DAO: variants seen among roughly 807,000 people sequenced by gnomAD.
DAO encodes D-amino acid oxidase.
A neutral mutation model predicts 50.1 loss-of-function variants in DAO; 51 were observed. The ratio of observed to expected loss-of-function variants is 1.02; its 90% CI spans 0.81 to 1.29. DAO has a LOEUF of 1.29. DAO is among the 50% of genes most tolerant of loss of function. DAO has a pLI of 0.00. For synonymous variants in DAO, 160 were observed against 166.2 expected (o/e 0.96, Z 0.29); for missense variants, 436 against 439.4 (o/e 0.99, Z 0.07).
chr12:108,889,177 C>T (rs947216378), intron 3 of DAO, among the ~76,000 whole-genome samples: 1 of 151,632 alleles, frequency 6.6e-6, no homozygotes, highest in Non-Finnish European at 1.5e-5. Context: ...ACAATTTCGG[C>T]TTACTGCAAC....
chr12:108,882,284 C>T (rs1173814321), intron 1 of DAO, among the ~76,000 whole-genome samples: 1 of 152,124 alleles, frequency 6.6e-6, no homozygotes, highest in African/African-American at 2.4e-5. Flanking sequence ...AGTCTGAGGC[C>T]AGCAAATCAC....
intron 3 of DAO, among the ~76,000 whole-genome samples, chr12:108,888,482 C>T (rs757614299): frequency 4.6e-5 from 7 of 151,916 alleles, no homozygotes; most frequent in South Asian, 2.1e-4. Context: ...ATTACAGGTG[C>T]GCACTACCAC....
At chr12:108,884,253 T>A (rs554296096) in intron 1 of DAO, among the ~76,000 whole-genome samples, 1 of 152,368 alleles carries the variant, frequency 6.6e-6, no homozygotes, top group South Asian at 2.1e-4. Context: ...AAGCGTGTGT[T>A]GAGTTTACTC....
At chr12:108,896,943 G>C (rs919762788) in intron 7 of DAO, 63 bp from the exon 8 acceptor site, 34 of 1,244,798 alleles carry the variant, frequency 2.7e-5, no homozygotes, top group Non-Finnish European at 3.8e-5. Context: ...GCCACAGAGG[G>C]GAGCAAGGGC....
intron 10 of DAO, 79 bp from the exon 11 acceptor site, chr12:108,900,325 C>G: frequency 1.9e-6 from 3 of 1,573,172 alleles, no homozygotes. Flanking sequence ...GCTCCTGAGT[C>G]TTCCAGGGCA....
At chr12:108,886,449 C>T (rs1374752437) in intron 2 of DAO, among the ~76,000 whole-genome samples, 1 of 152,030 alleles carries the variant, frequency 6.6e-6, no homozygotes, top group African/African-American at 2.4e-5. Context: ...AAATGGAACA[C>T]CCAATGAATA....
intron 3 of DAO, among the ~76,000 whole-genome samples, chr12:108,889,164 G>T (rs938378991): frequency 6.6e-6 from 1 of 151,462 alleles, no homozygotes; most frequent in East Asian, 1.9e-4. Flanking sequence ...GGAGTGCAGC[G>T]GCACAATTTC....
intron 2 of DAO, among the ~76,000 whole-genome samples, 177 bp from the exon 3 acceptor site, chr12:108,887,273 A>C (rs150479042): frequency 6.6e-6 from 1 of 152,234 alleles, no homozygotes; most frequent in African/African-American, 2.4e-5. Context: ...AATATTGGAA[A>C]ATTTAGGAGG....
rs770348103 is a variant in DAO at position 108,898,813 on chromosome 12, T to C, written c.813+17T>C. On this transcript the variant is annotated intron_variant, in intron 9 of 10. Transcript: ENST00000228476. ...ACACTGAAGGTAAGGTAGGGAGGAG[T>C]AGCAGTGCCCTAAACCAAGGTCGTG... 1 of 1,573,170 alleles carries C rather than the reference T, an allele frequency of 6.4e-7. No homozygotes were observed. Among genetic ancestry groups the C allele is most frequent in the South Asian group, 1.1e-5 (1 of 90,224 alleles).
chr12:108,900,681 C>A lies in DAO; in HGVS notation c.*146C>A. 1.6e-6 allele frequency: 2 copies of A among 1,217,508 alleles called. No homozygotes were observed. Among genetic ancestry groups the A allele is most frequent in the South Asian group, 2.7e-5 (2 of 72,970 alleles). The allele number at this position is 1,217,508 out of a possible 1,614,324, so 75.4% of individuals were successfully genotyped here. On this transcript the variant is annotated 3_prime_UTR_variant, in exon 11 of 11. Coordinates refer to ENST00000228476, the MANE Select transcript of DAO (RefSeq NM_001917.5). ...GTGAGAGAAAGCCACAAAGTCAGTG[C>A]CTGGAGAAGGGTTCAGCCCAACATG...
intron 1 of DAO, chr12:108,883,733 C>T (rs193016885): frequency 5.9e-5 from 25 of 421,778 alleles, no homozygotes; most frequent in African/African-American, 3.5e-4. Flanking sequence ...CCCCAGTATC[C>T]AAGCTCGGGC....
At chr12:108,892,895 G>T in intron 5 of DAO, 87 bp from the exon 6 acceptor site, 1 of 1,226,082 alleles carries the variant, frequency 8.2e-7, no homozygotes, top group African/African-American at 1.5e-5. Context: ...GCAGAAGGTT[G>T]TTTGGGAAAG....
At chr12:108,889,622 G>A (rs1254737356) in intron 4 of DAO, 77 bp downstream of exon 4, 1 of 1,160,370 alleles carries the variant, frequency 8.6e-7, no homozygotes, top group Admixed American at 1.7e-5. Context: ...GCAGAGGGTA[G>A]AGGCACCAGA....
intron 10 of DAO, 114 bp from the exon 11 acceptor site, chr12:108,900,290 G>T: frequency 7.3e-7 from 1 of 1,377,554 alleles, no homozygotes; most frequent in East Asian, 2.3e-5. Context: ...GGTGGCATCT[G>T]GCTTTGCCCA....
intron 8 of DAO, among the ~76,000 whole-genome samples, chr12:108,897,487 G>T (rs896839916): frequency 3.9e-5 from 6 of 152,074 alleles, no homozygotes; most frequent in Non-Finnish European, 8.8e-5. Context: ...AAAGTGCTGG[G>T]ATTACAGGCG....
At chr12:108,885,694 G>A (rs557113057) in intron 2 of DAO, among the ~76,000 whole-genome samples, 1 of 152,226 alleles carries the variant, frequency 6.6e-6, no homozygotes, top group Admixed American at 6.5e-5. Context: ...CCCTAAACTG[G>A]GTGCCTGTCA....
Position 108,898,660 on chromosome 12 carries a change from C to G in DAO, c.696-19C>G. ...GCCTTCATTTTCCTTCATCCTTGAC[C>G]CTCCTCATTTGTATCTAGGACCCAG... On this transcript the variant is annotated intron_variant, in intron 8 of 10. Coordinates refer to ENST00000228476, the MANE Select transcript of DAO (RefSeq NM_001917.5). 6.6e-7 allele frequency: 1 copy of G among 1,525,748 alleles called. No homozygotes were observed. Among genetic ancestry groups the G allele is most frequent in the African/African-American group, 1.4e-5 (1 of 73,216 alleles). The allele number at this position is 1,525,748 out of a possible 1,614,324, so 94.5% of individuals were successfully genotyped here.
chr12:108,886,855 T>C (rs931795093), intron 2 of DAO, among the ~76,000 whole-genome samples: 3 of 152,240 alleles, frequency 2.0e-5, no homozygotes, highest in Non-Finnish European at 4.4e-5. Flanking sequence ...CTAATGGCTC[T>C]GCCGTTTTTC....
intron 3 of DAO, among the ~76,000 whole-genome samples, chr12:108,889,053 A>G (rs2039462190): frequency 6.6e-6 from 1 of 152,102 alleles, no homozygotes; most frequent in Non-Finnish European, 1.5e-5. Context: ...GTATAAGAAA[A>G]TGCTTGGAAC....
Sources: gnomAD v4.1 joint callset for allele counts (sites outside exome capture counted in the v4.1 genomes callset) on GRCh38, gnomAD v4.1.1 for gene constraint, MANE v1.5 for transcripts, NCBI Gene and HGNC (gene_info 2026-07-23, HGNC 2026-07-21) for gene names.